Variants in ACTR3C observed in about 807,000 individuals in gnomAD.
ACTR3C encodes actin-related protein 3C.
In ACTR3C, 18 loss-of-function variants were observed where a neutral mutation model predicts 26.3. The observed-to-expected ratio is 0.68, with a 90% CI of 0.47 to 1.01. The LOEUF is 1.01. Among genes scored for constraint, ACTR3C ranks in the 50% least tolerant of loss-of-function variants. The pLI is 0.00. For missense variants in ACTR3C, 184 were observed against 250.7 expected, an observed-to-expected ratio of 0.73 and a Z score of 1.80; for synonymous variants, 55 against 94.5, an observed-to-expected ratio of 0.58 and a Z score of 2.42.
chr7:150,299,448 C>A (rs1405115520), intron 1 of ACTR3C, among the ~76,000 whole-genome samples: 1 of 82,988 alleles, frequency 1.2e-5, no homozygotes, highest in Non-Finnish European at 2.1e-5. Context: ...GCTTGGACAA[C>A]ATAGAGACCC....
At chr7:150,048,438 G>A in the ACTR3C span, among the ~76,000 whole-genome samples, 1 of 152,154 alleles carries the variant, frequency 6.6e-6, no homozygotes, top group East Asian at 1.9e-4. Context: ...GTGCGAGGGT[G>A]CGTGAAGAGG....
the ACTR3C span, among the ~76,000 whole-genome samples, chr7:150,180,101 C>CAAG: frequency 1.3e-5 from 2 of 150,944 alleles, no homozygotes; most frequent in African/African-American, 5.0e-5. Context: ...GTTAGGAGAT[C>CAAG]AAGATCATCC....
chr7:149,926,598 G>A, the ACTR3C span, among the ~76,000 whole-genome samples: 1 of 152,138 alleles, frequency 6.6e-6, no homozygotes, highest in African/African-American at 2.4e-5. Context: ...CCTGATGCTG[G>A]AGGAATTAAC....
At chr7:150,309,642 G>A (rs1463858213) in intron 1 of ACTR3C, among the ~76,000 whole-genome samples, 1 of 152,086 alleles carries the variant, frequency 6.6e-6, no homozygotes, top group African/African-American at 2.4e-5. Flanking sequence ...CGCAAAACTG[G>A]CCACTAGACC....
the ACTR3C span, among the ~76,000 whole-genome samples, chr7:150,078,859 C>A: frequency 6.6e-6 from 1 of 152,190 alleles, no homozygotes; most frequent in Non-Finnish European, 1.5e-5. Flanking sequence ...AGTCCAGGAG[C>A]TGGGACAGCA....
At chr7:150,277,449 C>T (rs1301677507) in intron 6 of ACTR3C, among the ~76,000 whole-genome samples, 2 of 152,226 alleles carry the variant, frequency 1.3e-5, no homozygotes, top group East Asian at 1.9e-4. Flanking sequence ...CCGTCTTGTC[C>T]TCACCTGTTA....
chr7:150,188,246 A>G, the ACTR3C span, among the ~76,000 whole-genome samples: 1 of 152,170 alleles, frequency 6.6e-6, no homozygotes, highest in Non-Finnish European at 1.5e-5. Flanking sequence ...TTTTTCACTT[A>G]GCATATTTTT....
chr7:150,146,683 C>T, the ACTR3C span, among the ~76,000 whole-genome samples: 1 of 152,122 alleles, frequency 6.6e-6, no homozygotes, highest in Admixed American at 6.6e-5. Context: ...TCCGGGGATG[C>T]CTTCTGAGAA....
chr7:150,128,243 TAGA>T, the ACTR3C span, among the ~76,000 whole-genome samples: 426 of 152,212 alleles, frequency 2.8e-3, 1 homozygote, highest in African/African-American at 1.0e-2. Context: ...CTCAGCTCCT[TAGA>T]AGAATTGCAG....
the ACTR3C span, among the ~76,000 whole-genome samples, chr7:150,056,619 C>T: frequency 6.6e-6 from 1 of 151,984 alleles, no homozygotes; most frequent in Non-Finnish European, 1.5e-5. Context: ...ATTTGATCAG[C>T]CTTTTCCCTC....
At chr7:150,161,815 C>T in the ACTR3C span, among the ~76,000 whole-genome samples, 1 of 152,058 alleles carries the variant, frequency 6.6e-6, no homozygotes, top group Non-Finnish European at 1.5e-5. Flanking sequence ...CAAGGATTAC[C>T]TTCCTTGGGA....
the ACTR3C span, among the ~76,000 whole-genome samples, chr7:150,116,405 C>T: frequency 2.0e-5 from 3 of 152,210 alleles, no homozygotes; most frequent in African/African-American, 7.2e-5. Context: ...CTGATGCCTT[C>T]CTTTTGGGGG....
At chr7:150,030,827 C>T in the ACTR3C span, among the ~76,000 whole-genome samples, 2 of 152,058 alleles carry the variant, frequency 1.3e-5, no homozygotes, top group Admixed American at 1.3e-4. Context: ...CAGGGCTGAC[C>T]GCTGCATGCC....
At chr7:150,243,710 C>T (rs1041790059), downstream of ACTR3C, among the ~76,000 whole-genome samples, 7 of 152,034 alleles carry the variant, frequency 4.6e-5, no homozygotes, top group Admixed American at 2.6e-4. Flanking sequence ...ATATATAATA[C>T]AATGTAAATG....
the ACTR3C span, among the ~76,000 whole-genome samples, chr7:150,190,105 T>C: frequency 1.3e-5 from 2 of 152,246 alleles, no homozygotes; most frequent in Non-Finnish European, 1.5e-5. Context: ...ATTCTAATAA[T>C]ACTCATAGAG....
intron 1 of ACTR3C, among the ~76,000 whole-genome samples, chr7:150,296,463 A>G (rs2531034): frequency 0.012 from 1,890 of 152,180 alleles, 39 homozygotes; most frequent in African/African-American, 0.043. Flanking sequence ...AACAATAACC[A>G]TCATCAAACA....
the ACTR3C span, among the ~76,000 whole-genome samples, chr7:149,980,837 C>T: frequency 3.3e-5 from 5 of 152,194 alleles, no homozygotes; most frequent in Non-Finnish European, 5.9e-5. Context: ...CCATTTGCCA[C>T]AGAAACACAT....
chr7:150,179,418 GAAAA>G, the ACTR3C span, among the ~76,000 whole-genome samples: 4 of 118,102 alleles, frequency 3.4e-5, no homozygotes, highest in African/African-American at 1.5e-4. Context: ...GACACAACAG[GAAAA>G]AAAAAAAAAG....
chr7:150,111,036 C>G, the ACTR3C span, among the ~76,000 whole-genome samples: 331 of 148,466 alleles, frequency 2.2e-3, 4 homozygotes, highest in South Asian at 0.021. Context: ...GCTCTCTCAT[C>G]CAGGGATAAC....
Sources: allele counts gnomAD v4.1 joint callset (sites outside exome capture counted in the v4.1 genomes callset), GRCh38; gene constraint gnomAD v4.1.1; transcripts MANE v1.5; gene names NCBI Gene and HGNC (gene_info 2026-07-23, HGNC 2026-07-21).